The following PCNP variants were observed in gnomAD, a reference collection of about 807,000 sequenced individuals.
The protein encoded by PCNP is PEST proteolytic signal containing nuclear protein.
Under a neutral mutation model 21.8 loss-of-function variants are expected in PCNP, and 6 were observed. The observed-to-expected ratio is 0.28, with a 90% CI of 0.15 to 0.54. The LOEUF (loss-of-function observed/expected upper bound fraction) is 0.54. PCNP is among the 20% of genes least tolerant of loss of function. The pLI, the probability that PCNP is intolerant of heterozygous loss-of-function variation, is 0.95. For synonymous variants in PCNP, 67 were observed against 73.2 expected (o/e 0.92, Z 0.43); for missense variants, 161 against 215.5 (o/e 0.75, Z 1.58).
intron 3 of PCNP, 147 bp from the exon 4 acceptor site, chr3:101,590,068 G>T: frequency 1.6e-6 from 1 of 635,460 alleles, no homozygotes; most frequent in Non-Finnish European, 2.8e-6. Flanking sequence ...TGTAGTTAAG[G>T]TAAATAACTC....
intron 1 of PCNP, among the ~76,000 whole-genome samples, chr3:101,577,158 AT>A (rs1366761983): frequency 2.0e-5 from 3 of 152,202 alleles, no homozygotes; most frequent in Admixed American, 6.5e-5. Flanking sequence ...GAAGCTACTT[AT>A]TTGAACTACC....
At chr3:101,586,167 T>A (rs1935487406) in intron 3 of PCNP, among the ~76,000 whole-genome samples, 1 of 57,148 alleles carries the variant, frequency 1.7e-5, no homozygotes, top group Non-Finnish European at 3.7e-5. Flanking sequence ...CTAGTCTCTG[T>A]CTCAAAAAAA....
At chr3:101,583,701 A>G (rs13087565) in intron 2 of PCNP, among the ~76,000 whole-genome samples, 1 of 152,044 alleles carries the variant, frequency 6.6e-6, no homozygotes, top group African/African-American at 2.4e-5. Context: ...AGGCTGGAGT[A>G]CAAAGGTGTG....
At chr3:101,589,673 A>G (rs534732394) in intron 3 of PCNP, 165 of 154,214 alleles carry the variant, frequency 1.1e-3, no homozygotes, top group Middle Eastern at 3.4e-3. Flanking sequence ...CAGCCTTCCA[A>G]AGTGCTGGGA....
Position 101,590,858 on chromosome 3 carries a change from A to G in PCNP, c.410+588A>G, listed in dbSNP as rs1935766745. Among the ~76,000 whole-genome samples, 5 of 152,008 alleles carry G rather than the reference A, an allele frequency of 3.3e-5. No homozygotes were observed. In the South Asian group the frequency reaches 1.0e-3, roughly 32 times the overall value. ...GCCACCATGCCCAGCTGTTTTTTCA[A>G]ATAAGAAATAGCTATGAGAAATGTT... On this transcript the variant is annotated intron_variant, in intron 4 of 4. Transcript: ENST00000265260.
intron 2 of PCNP, among the ~76,000 whole-genome samples, chr3:101,582,621 G>A (rs969133245): frequency 6.6e-6 from 1 of 152,196 alleles, no homozygotes; most frequent in Admixed American, 6.5e-5. Flanking sequence ...AATTAAGGGT[G>A]TTTCTAGAGT....
At chr3:101,585,638 C>A in intron 3 of PCNP, 127 bp downstream of exon 3, 1 of 581,990 alleles carries the variant, frequency 1.7e-6, no homozygotes. Context: ...CTGTGTGTGA[C>A]ATCCATAAAA....
intron 3 of PCNP, among the ~76,000 whole-genome samples, chr3:101,586,571 T>TGTGTGTGTGTGTGTGAGAGAGAGA: frequency 1.1e-3 from 123 of 114,198 alleles, no homozygotes; most frequent in African/African-American, 3.7e-3. Flanking sequence ...TGTGTGTGTG[T>TGTGTGTGTGTGTGTGAGAGAGAGA]GAGAGAGAGA....
chr3:101,580,064 G>A (rs1935143416), intron 2 of PCNP, 60 bp downstream of exon 2: 5 of 1,258,560 alleles, frequency 4.0e-6, no homozygotes, highest in East Asian at 2.3e-5. Flanking sequence ...CTTTGGAAAC[G>A]TGGCGTTTAC....
intron 2 of PCNP, among the ~76,000 whole-genome samples, chr3:101,580,871 T>C (rs1935187686): frequency 6.6e-6 from 1 of 152,232 alleles, no homozygotes; most frequent in Non-Finnish European, 1.5e-5. Context: ...AATAGTGTAT[T>C]GCTATTGGCT....
rs1935916838 is a variant in PCNP, at chr3:101,593,483, T to C, written c.*730T>C. ...TGTGCTTCTCTTGTTTTTTGTTTAT[T>C]AGCTAGTTCCTGTAAGCATTTCCAC... is the stretch of plus-strand genomic sequence containing the variant. On this transcript the variant is annotated 3_prime_UTR_variant, in exon 5 of 5. Transcript: ENST00000265260. 6.6e-6 allele frequency: 1 copy of C among 152,652 alleles called. No individual in the cohort carries two copies. Among genetic ancestry groups the C allele is most frequent in the African/African-American group, 2.4e-5 (1 of 41,466 alleles). 9.5% of individuals were successfully genotyped at this position (152,652 alleles called of 1,614,324 possible).
Position 101,574,265 on chromosome 3 carries a change from C to T in PCNP, c.50C>T (p.Ala17Val), listed in dbSNP as rs1934734190. The change falls in exon 1 of 5, where the codon GCT becomes GTT. Residue 17 changes from alanine (A) to valine (V), a missense_variant. Ala to Val is a moderately conservative substitution (Grantham distance 64). Transcript: ENST00000265260. ...GAGAAGCCTGAAAAGTCGCAGCGAG[C>T]TGGAGCCGCCGGAGGTGAACACAAC... ...GDEKPEKSQR[A>V]GAAGGPEEEA... The T allele has an allele frequency of 6.5e-7, 1 of 1,545,426 alleles. No homozygotes were observed. Among genetic ancestry groups the T allele is most frequent in the East Asian group, 2.5e-5 (1 of 40,258 alleles).
intron 2 of PCNP, among the ~76,000 whole-genome samples, chr3:101,583,736 C>CTTCTGGGTTCA (rs1935353318): frequency 6.6e-6 from 1 of 151,886 alleles, no homozygotes; most frequent in Non-Finnish European, 1.5e-5. Context: ...CAACCTCTGC[C>CTTCTGGGTTCA]TTCTGGGTTC....
chr3:101,584,830 G>A (rs1318041120), intron 2 of PCNP, among the ~76,000 whole-genome samples: 2 of 152,176 alleles, frequency 1.3e-5, no homozygotes, highest in Admixed American at 6.6e-5. Flanking sequence ...GCGAAACCTC[G>A]TCTCTACTAA....
chr3:101,589,223 A>G (rs1935681315), intron 3 of PCNP, among the ~76,000 whole-genome samples: 1 of 152,170 alleles, frequency 6.6e-6, no homozygotes, highest in African/African-American at 2.4e-5. Flanking sequence ...ACTTTATTCA[A>G]TAGGTTATAA....
At chr3:101,580,828 G>T in intron 2 of PCNP, among the ~76,000 whole-genome samples, 1 of 152,126 alleles carries the variant, frequency 6.6e-6, no homozygotes, top group Non-Finnish European at 1.5e-5. Context: ...CAACCAAATA[G>T]ATTTCTTATT....
intron 2 of PCNP, among the ~76,000 whole-genome samples, chr3:101,584,990 C>G (rs1257949448): frequency 6.6e-6 from 1 of 152,098 alleles, no homozygotes; most frequent in Non-Finnish European, 1.5e-5. Context: ...GGCGACAGAG[C>G]AAGACTCTGT....
chr3:101,581,002 A>G (rs1935192174), intron 2 of PCNP, among the ~76,000 whole-genome samples: 1 of 152,226 alleles, frequency 6.6e-6, no homozygotes, highest in Non-Finnish European at 1.5e-5. Flanking sequence ...GCTTTATTCT[A>G]CATTAGATGT....
intron 2 of PCNP, among the ~76,000 whole-genome samples, chr3:101,584,425 C>T (rs540076584): frequency 2.0e-4 from 31 of 152,266 alleles, no homozygotes; most frequent in Non-Finnish European, 3.7e-4. Context: ...ACATGTGAGG[C>T]ACTGTGCCTG....
Sources: allele counts gnomAD v4.1 joint callset (sites outside exome capture counted in the v4.1 genomes callset), GRCh38; gene constraint gnomAD v4.1.1; transcripts MANE v1.5; gene names NCBI Gene and HGNC (gene_info 2026-07-23, HGNC 2026-07-21).